Variants in NSD2 observed in about 807,000 individuals in gnomAD.
The protein encoded by NSD2 is histone-lysine N-methyltransferase NSD2.
Under a neutral mutation model 139.0 loss-of-function variants are expected in NSD2, and 12 were observed. That is an observed-to-expected ratio of 0.09 (90% CI 0.06 to 0.14). NSD2 has a LOEUF of 0.14. Among genes scored for constraint, NSD2 ranks in the 10% least tolerant of loss-of-function variants. The probability of loss-of-function intolerance (pLI) is 1.00; values close to 1 mark genes in which losing one functional copy is unlikely to be tolerated. For missense variants in NSD2, 1,155 were observed against 1,745.0 expected (o/e 0.66, Z 6.02); for synonymous variants, 669 against 648.7 (o/e 1.03, Z -0.48).
chr4:1,880,275 C>G (rs924990489), intron 1 of NSD2, among the ~76,000 whole-genome samples: 1 of 152,086 alleles, frequency 6.6e-6, no homozygotes, highest in African/African-American at 2.4e-5. Flanking sequence ...AGTAACTGAT[C>G]CAAAGTCACA....
chr4:1,938,396 CTTTT>C (rs1722669210), intron 7 of NSD2, 51 bp from the exon 8 acceptor site: 2 of 992,190 alleles, frequency 2.0e-6, no homozygotes, highest in East Asian at 4.5e-5. Context: ...TCCTTTTTTT[CTTTT>C]CTTTTTTTTT....
chr4:1,904,943 C>T (rs1266407726), intron 3 of NSD2, among the ~76,000 whole-genome samples: 1 of 152,134 alleles, frequency 6.6e-6, no homozygotes, highest in Non-Finnish European at 1.5e-5. Flanking sequence ...CTAGCCTGAC[C>T]AACATGGTCA....
In NSD2 at chr4:1,939,460, C is replaced by CAT. The variant is rs574747890; in HGVS notation, c.1757-193_1757-192dup. Reference sequence around the variant, plus strand: ...GTTTTTGGGGGCCAAGTAGCGAGGACATGGGGTTCATTGTACAGTTTGTCT... The same window carrying CAT: ...GTTTTTGGGGGCCAAGTAGCGAGGACATATGGGGTTCATTGTACAGTTTGTCT... On this transcript the variant is annotated intron_variant, in intron 8 of 21. Transcript: ENST00000508803. 3.5e-4 allele frequency: 221 copies of CAT among 635,368 alleles called. No homozygotes were observed. In the African/African-American group the frequency reaches 3.7e-3, roughly 11 times the overall value. The allele number at this position is 635,368 out of a possible 1,614,324, so 39.4% of individuals were successfully genotyped here. A position where few individuals can be genotyped will look rare whatever the true frequency, so the allele number is the denominator to read the frequency against.
chr4:1,959,613 C>T lies in NSD2; in HGVS notation c.3128C>T (p.Pro1043Leu). 3 of 1,614,102 alleles carry T rather than the reference C, an allele frequency of 1.9e-6. No individual in the cohort carries two copies. Among genetic ancestry groups the T allele is most frequent in the Non-Finnish European group, 2.5e-6 (3 of 1,180,012 alleles). The change falls in exon 17 of 22, where the codon CCG becomes CTG. Residue 1043 changes from proline to leucine, a missense_variant. This residue lies in a region of NSD2 where 139 missense variants were observed against 485.8 expected (regional missense o/e 0.29). Transcript: ENST00000508803. ...LNRMLMFECH[P>L]QVCPAGEFCQ... ...AGGATGCTGATGTTTGAGTGCCACC[C>T]GCAGGTGTGTCCCGCGGGCGAGTTC...
rs1253553579 is a variant in NSD2, at chr4:1,934,906, TATAA to T, written c.1556-236_1556-233del. 1.5e-3 allele frequency among the ~76,000 whole-genome samples: 148 copies of T among 98,992 alleles called. 1 individual carries two copies. The highest frequency in any genetic ancestry group is 2.5e-3 in the South Asian group (7 of 2,820). 64.9% of individuals were successfully genotyped at this position (98,992 alleles called of 152,430 possible). A position where few individuals can be genotyped will look rare whatever the true frequency, so the allele number is the denominator to read the frequency against. On this transcript the variant is annotated intron_variant, in intron 6 of 21. Transcript: ENST00000508803. ...ATATATATATATATATATATATATA[TATAA>T]AAAACAGATAAAACAGATGCTAATA...
At chr4:1,922,434 T>C (rs1035408976) in intron 5 of NSD2, among the ~76,000 whole-genome samples, 4 of 152,230 alleles carry the variant, frequency 2.6e-5, no homozygotes, top group African/African-American at 9.6e-5. Context: ...TCAATAAAGA[T>C]GTATTTATAT....
Position 1,939,728 on chromosome 4 carries a change from C to T in NSD2, c.1831C>T (p.Leu611Phe). 1 of 1,614,222 alleles carries T rather than the reference C, an allele frequency of 6.2e-7. No homozygotes were observed. Among genetic ancestry groups the T allele is most frequent in the South Asian group, 1.1e-5 (1 of 91,082 alleles). The change falls in exon 9 of 22, where the codon CTT (leucine) becomes TTT (phenylalanine). Residue 611 changes from leucine to phenylalanine, a missense_variant. Coordinates refer to ENST00000508803, the MANE Select transcript of NSD2 (RefSeq NM_001042424.3). Reference protein sequence around the residue: ...NRASTAASSALGFSKSSSPSA... With the variant: ...NRASTAASSAFGFSKSSSPSA... ...GGCTTCCACGGCAGCATCTTCAGCT[C>T]TTGGGTTTAGCAAAAGTTCATCTCC...
intron 18 of NSD2, among the ~76,000 whole-genome samples, chr4:1,963,217 G>A (rs1418587047): frequency 6.6e-6 from 1 of 152,224 alleles, no homozygotes; most frequent in African/African-American, 2.4e-5. Context: ...CCATAAGGGC[G>A]AGAGTGGGTT....
At chr4:1,891,727 G>A (rs914075692) in intron 1 of NSD2, among the ~76,000 whole-genome samples, 3 of 151,606 alleles carry the variant, frequency 2.0e-5, no homozygotes, top group Non-Finnish European at 2.9e-5. Flanking sequence ...CGTGGTGGTC[G>A]GCACCTGTAG....
chr4:1,877,142 A>G (rs944964123), intron 1 of NSD2, among the ~76,000 whole-genome samples: 8 of 138,628 alleles, frequency 5.8e-5, no homozygotes, highest in African/African-American at 2.3e-4. Context: ...GTCTCAAGGA[A>G]AAAAAAAAAA....
At chr4:1,925,479 A>G (rs1577456415) in intron 5 of NSD2, among the ~76,000 whole-genome samples, 4 of 121,554 alleles carry the variant, frequency 3.3e-5, no homozygotes, top group East Asian at 2.4e-4. Context: ...GCCCACTGCA[A>G]CCTCCTCCCC....
chr4:1,931,412 A>C (rs1036593309), intron 6 of NSD2, among the ~76,000 whole-genome samples: 2 of 152,202 alleles, frequency 1.3e-5, no homozygotes, highest in African/African-American at 4.8e-5. Flanking sequence ...GTAAGATTTG[A>C]AGATGTGTAA....
At chr4:1,934,587 C>T (rs982414589) in intron 6 of NSD2, among the ~76,000 whole-genome samples, 11 of 150,520 alleles carry the variant, frequency 7.3e-5, no homozygotes, top group African/African-American at 2.4e-4. Flanking sequence ...CGGTGGCTCA[C>T]GCCTGTAATC....
chr4:1,886,127 G>A (rs559528286), intron 1 of NSD2, among the ~76,000 whole-genome samples: 3 of 152,278 alleles, frequency 2.0e-5, no homozygotes, highest in Non-Finnish European at 4.4e-5. Flanking sequence ...TGTGAGTCTT[G>A]TAATCAAAGG....
chr4:1,953,092 T>G (rs1724447965), intron 11 of NSD2: 1 of 1,497,136 alleles, frequency 6.7e-7, no homozygotes. Context: ...AGTAAGATTC[T>G]CCTGTATTTC....
intron 5 of NSD2, among the ~76,000 whole-genome samples, chr4:1,924,334 G>C (rs1280237823): frequency 6.6e-6 from 1 of 152,082 alleles, no homozygotes; most frequent in African/African-American, 2.4e-5. Flanking sequence ...ATGCTCTTGG[G>C]CCCTGGAAGC....
At chr4:1,975,252 G>C in intron 19 of NSD2, 42 bp from the exon 20 acceptor site, 1 of 1,585,966 alleles carries the variant, frequency 6.3e-7, no homozygotes, top group Non-Finnish European at 8.7e-7. Flanking sequence ...TGAAGAGAAA[G>C]GCAGGTGTTT....
intron 3 of NSD2, 90 bp downstream of exon 3, chr4:1,904,468 G>T (rs1717621615): frequency 7.2e-7 from 1 of 1,385,648 alleles, no homozygotes; most frequent in Non-Finnish European, 9.8e-7. Flanking sequence ...TTTCTAAATA[G>T]CCCTGCTATG....
chr4:1,922,144 C>T (rs1720226605), intron 5 of NSD2, among the ~76,000 whole-genome samples: 2 of 152,204 alleles, frequency 1.3e-5, no homozygotes, highest in South Asian at 4.1e-4. Flanking sequence ...GAGTCTTCGT[C>T]TCCAAGAAAA....
Sources: gnomAD v4.1 joint callset for allele counts (sites outside exome capture counted in the v4.1 genomes callset) on GRCh38, gnomAD v4.1.1 for gene constraint, gnomAD v4.1.1 regional missense constraint, MANE v1.5 for transcripts, NCBI Gene and HGNC (gene_info 2026-07-23, HGNC 2026-07-21) for gene names.